The following GRM7 variants were observed in gnomAD, a reference collection of about 807,000 sequenced individuals.
The protein encoded by GRM7 is metabotropic glutamate receptor 7.
Under a neutral mutation model 84.5 loss-of-function variants are expected in GRM7, and 35 were observed. The ratio of observed to expected loss-of-function variants is 0.41; its 90% confidence interval spans 0.32 to 0.55. The LOEUF (loss-of-function observed/expected upper bound fraction) is 0.55, where lower values mean the gene tolerates loss of function less well. GRM7 is among the 20% of genes least tolerant of loss of function. The pLI is 0.19. For missense variants in GRM7, 1,003 were observed against 1,194.6 expected, an observed-to-expected ratio of 0.84 and a Z score of 2.36; for synonymous variants, 487 against 455.1, an observed-to-expected ratio of 1.07 and a Z score of -0.89.
chr3:7,087,813 G>A (rs997869642), intron 1 of GRM7, among the ~76,000 whole-genome samples: 3 of 152,100 alleles, frequency 2.0e-5, no homozygotes, highest in South Asian at 2.1e-4. Context: ...CTATCTCAAA[G>A]GTAGTGAGAA....
chr3:6,967,372 G>A (rs1025548533), intron 1 of GRM7, among the ~76,000 whole-genome samples: 22 of 151,980 alleles, frequency 1.4e-4, no homozygotes, highest in South Asian at 8.3e-4. Context: ...CTTTTTGTGC[G>A]TTTTGTAGAG....
intron 8 of GRM7, among the ~76,000 whole-genome samples, chr3:7,652,031 G>GA (rs1358494324): frequency 1.3e-5 from 2 of 152,062 alleles, no homozygotes; most frequent in Admixed American, 6.6e-5. Flanking sequence ...CATTTGGGGG[G>GA]AAAAAATGGA....
chr3:7,051,407 A>T (rs994419961), intron 1 of GRM7, among the ~76,000 whole-genome samples: 13 of 151,638 alleles, frequency 8.6e-5, no homozygotes, highest in Admixed American at 7.9e-4. Context: ...TCAGAAAAAT[A>T]AAAAAAAGTT....
chr3:7,133,898 T>A (rs1295457881), intron 1 of GRM7, among the ~76,000 whole-genome samples: 2 of 152,170 alleles, frequency 1.3e-5, no homozygotes, highest in Non-Finnish European at 2.9e-5. Context: ...GGATACCACG[T>A]TGGGATGGAA....
At chr3:7,211,653 A>G (rs199873192) in intron 2 of GRM7, among the ~76,000 whole-genome samples, 1 of 17,224 alleles carries the variant, frequency 5.8e-5, no homozygotes, top group Non-Finnish European at 1.4e-4. Context: ...TCTCCCAACC[A>G]AAAAAAAAAA....
At chr3:7,246,329 A>C (rs1417789405) in intron 2 of GRM7, among the ~76,000 whole-genome samples, 1 of 152,150 alleles carries the variant, frequency 6.6e-6, no homozygotes, top group African/African-American at 2.4e-5. Context: ...CCTTAAATTT[A>C]GGCTTTCCTT....
chr3:7,451,406 C>T (rs1373267616), intron 5 of GRM7, among the ~76,000 whole-genome samples: 7 of 152,080 alleles, frequency 4.6e-5, no homozygotes, highest in East Asian at 3.9e-4. Context: ...CTGAGCGCCT[C>T]GGTGTGACAA....
intron 1 of GRM7, among the ~76,000 whole-genome samples, chr3:6,945,126 T>C (rs1337963112): frequency 2.6e-5 from 4 of 152,196 alleles, no homozygotes; most frequent in African/African-American, 9.6e-5. Context: ...GTTTGTTACA[T>C]ATGTATACAT....
chr3:7,298,142 T>G (rs1699874576), intron 2 of GRM7, among the ~76,000 whole-genome samples: 1 of 152,140 alleles, frequency 6.6e-6, no homozygotes, highest in Non-Finnish European at 1.5e-5. Context: ...TCAATAAGTG[T>G]TTGTTGCTAT....
intron 7 of GRM7, among the ~76,000 whole-genome samples, chr3:7,547,494 C>A (rs560473207): frequency 1.1e-4 from 16 of 152,226 alleles, no homozygotes; most frequent in African/African-American, 3.6e-4. Flanking sequence ...GCGTGGGCCA[C>A]CGCAAGGCCA....
intron 2 of GRM7, among the ~76,000 whole-genome samples, chr3:7,189,354 C>A (rs570358385): frequency 6.6e-6 from 1 of 152,262 alleles, no homozygotes; most frequent in Non-Finnish European, 1.5e-5. Flanking sequence ...AGTTGTGGCA[C>A]TGAACAAAGT....
chr3:6,960,534 C>G (rs1693253189), intron 1 of GRM7, among the ~76,000 whole-genome samples: 1 of 152,184 alleles, frequency 6.6e-6, no homozygotes, highest in African/African-American at 2.4e-5. Flanking sequence ...CCAAGCATCC[C>G]AGGATTTTAA....
chr3:7,098,136 AG>A (rs1264967752), intron 1 of GRM7, among the ~76,000 whole-genome samples: 4 of 152,066 alleles, frequency 2.6e-5, no homozygotes, highest in Non-Finnish European at 5.9e-5. Context: ...TTATTTCCCT[AG>A]TAACAGCTGT....
chr3:7,662,790 T>A (rs184785668), intron 8 of GRM7, among the ~76,000 whole-genome samples: 1 of 152,346 alleles, frequency 6.6e-6, no homozygotes, highest in African/African-American at 2.4e-5. Flanking sequence ...ATGTCAAATT[T>A]TCTGAAAAAT....
chr3:7,210,720 CT>C (rs1169588594), intron 2 of GRM7, among the ~76,000 whole-genome samples: 1 of 152,060 alleles, frequency 6.6e-6, no homozygotes, highest in Non-Finnish European at 1.5e-5. Flanking sequence ...CTACCCTACC[CT>C]TTCCTCACAC....
chr3:7,516,394 G>A (rs560998709), intron 7 of GRM7, among the ~76,000 whole-genome samples: 80 of 142,578 alleles, frequency 5.6e-4, no homozygotes, highest in African/African-American at 1.9e-3. Flanking sequence ...GGAGAATGGC[G>A]TGAACCTGGG....
chr3:7,671,089 A>T (rs1219893416), intron 8 of GRM7, among the ~76,000 whole-genome samples: 1 of 152,220 alleles, frequency 6.6e-6, no homozygotes, highest in Non-Finnish European at 1.5e-5. Flanking sequence ...ATAAGAGAGT[A>T]AAATTCCTAC....
intron 8 of GRM7, among the ~76,000 whole-genome samples, chr3:7,662,308 T>G (rs1248511845): frequency 2.0e-5 from 3 of 152,208 alleles, no homozygotes; most frequent in Non-Finnish European, 2.9e-5. Context: ...ATAACTATCT[T>G]GACTATAGTG....
chr3:7,202,996 G>A (rs938217415), intron 2 of GRM7, among the ~76,000 whole-genome samples: 2 of 152,186 alleles, frequency 1.3e-5, no homozygotes, highest in Non-Finnish European at 2.9e-5. Context: ...TGCATAGAAT[G>A]TGTTCCAACC....
Sources: gnomAD v4.1 joint callset for allele counts (sites outside exome capture counted in the v4.1 genomes callset) on GRCh38, gnomAD v4.1.1 for gene constraint, MANE v1.5 for transcripts, NCBI Gene and HGNC (gene_info 2026-07-23, HGNC 2026-07-21) for gene names.